PPP1R7: variants seen among roughly 807,000 people sequenced by gnomAD.
PPP1R7 encodes the protein protein phosphatase 1 regulatory subunit 7.
PPP1R7 carries 18 observed loss-of-function variants against 45.2 expected under a neutral mutation model. The ratio of observed to expected loss-of-function variants is 0.40; its 90% CI spans 0.28 to 0.59. The LOEUF (loss-of-function observed/expected upper bound fraction) is 0.59, where lower values mean the gene tolerates loss of function less well. PPP1R7 is among the 20% of genes least tolerant of loss of function. The probability of loss-of-function intolerance (pLI) is 0.46; values close to 1 mark genes in which losing one functional copy is unlikely to be tolerated. For synonymous variants in PPP1R7, 181 were observed against 183.4 expected (o/e 0.99, Z 0.11); for missense variants, 314 against 455.8 (o/e 0.69, Z 2.83).
chr2:241,151,395 A>C (rs34250086), intron 1 of PPP1R7: 2 of 467,620 alleles, frequency 4.3e-6, no homozygotes, highest in Non-Finnish European at 8.9e-6. Flanking sequence ...GGGCGGGTGC[A>C]GCAGGAAGGC....
At chr2:241,157,494 C>T (rs1241816214) in intron 2 of PPP1R7, among the ~76,000 whole-genome samples, 1 of 152,228 alleles carries the variant, frequency 6.6e-6, no homozygotes, top group Admixed American at 6.5e-5. Flanking sequence ...CTACTTCCTC[C>T]CCTCCTTCCC....
Position 241,153,580 on chromosome 2 carries a change from G to C in PPP1R7, c.157G>C (p.Glu53Gln), listed in dbSNP as rs369222535. The C allele has an allele frequency of 6.2e-7, 1 of 1,614,110 alleles. No homozygotes were observed. Among genetic ancestry groups the C allele is most frequent in the African/African-American group, 1.3e-5 (1 of 75,050 alleles). The change falls in exon 2 of 10, where the codon GAG (glutamate) becomes CAG (glutamine). Residue 53 changes from glutamate (E) to glutamine (Q), a missense_variant. Coordinates refer to ENST00000234038, the MANE Select transcript of PPP1R7 (RefSeq NM_002712.3). ...LSEQSLKDGEERGEEDPEEEH... is the reference protein window; with the variant it reads ...LSEQSLKDGEQRGEEDPEEEH... ...TGAACAGAGCCTGAAGGATGGGGAG[G>C]AGCGGGGGGAGGAGGACCCAGAAGG...
chr2:241,172,993 AAAAT>A (rs1250143468), intron 9 of PPP1R7, among the ~76,000 whole-genome samples: 2 of 151,644 alleles, frequency 1.3e-5, no homozygotes, highest in African/African-American at 2.4e-5. Context: ...ATATTTTTTA[AAAAT>A]AAATAGAGAT....
At position 241,173,960 on chromosome 2, in the gene PPP1R7, C is replaced by T. The variant is rs529931549; in HGVS notation, c.906+4093C>T. On this transcript the variant is annotated intron_variant, in intron 9 of 9. Transcript: ENST00000234038. ...ATTATTTTTCTCTCTTCATTAGATT[C>T]ATGTTTTCCTTTAAGTCCTTCCTTC... 3.6e-5 allele frequency among the ~76,000 whole-genome samples: 5 copies of T among 140,740 alleles called. No homozygotes were observed. In the East Asian group the frequency reaches 1.0e-3, roughly 29 times the overall value. The allele number at this position is 140,740 out of a possible 152,430, so 92.3% of individuals were successfully genotyped here.
chr2:241,153,434 C>T (rs754360277), intron 1 of PPP1R7, 42 bp from the exon 2 acceptor site: 4 of 1,611,962 alleles, frequency 2.5e-6, no homozygotes, highest in Non-Finnish European at 3.4e-6. Flanking sequence ...CTCAAAGTCC[C>T]ATAAAGTGGA....
At chr2:241,182,084 A>G (rs1195429867) in intron 9 of PPP1R7, among the ~76,000 whole-genome samples, 1 of 152,052 alleles carries the variant, frequency 6.6e-6, no homozygotes, top group Non-Finnish European at 1.5e-5. Context: ...AGATGGTAAA[A>G]TGTAGCCTGC....
At chr2:241,167,311 A>G (rs769182742) in intron 8 of PPP1R7, 1 of 408,870 alleles carries the variant, frequency 2.4e-6, no homozygotes, top group Non-Finnish European at 4.3e-6. Flanking sequence ...AATTTCACCA[A>G]CACCTGCATA....
At position 241,160,382 on chromosome 2, in the gene PPP1R7, A is replaced by C; in HGVS notation, c.485A>C (p.Lys162Thr). The change falls in exon 6 of 10, where the codon AAG becomes ACG. Residue 162 changes from lysine to threonine, a missense_variant. This residue lies in a region of PPP1R7 where 168 missense variants were observed against 285.3 expected (regional missense o/e 0.59). Transcript: ENST00000234038. Reference sequence around the variant, plus strand: ...CTGAGAAACATCGAAGGGGTTGACAAGTTGACACGACTGAAAAAACTCTTC... The same window carrying C: ...CTGAGAAACATCGAAGGGGTTGACACGTTGACACGACTGAAAAAACTCTTC... ...NLLRNIEGVD[K>T]LTRLKKLFLV... The C allele has an allele frequency of 6.2e-7, 1 of 1,612,866 alleles. No homozygotes were observed. The highest frequency in any genetic ancestry group is 1.1e-5 in the South Asian group (1 of 90,660).
At chr2:241,159,035 T>G (rs2067524230) in intron 4 of PPP1R7, 178 bp from the exon 5 acceptor site, 1 of 716,464 alleles carries the variant, frequency 1.4e-6, no homozygotes, top group East Asian at 3.0e-5. Context: ...TAAGGAATTA[T>G]AGCTTAGTGC....
upstream of PPP1R7, chr2:241,150,106 C>T (rs2067215441): frequency 7.9e-7 from 1 of 1,263,802 alleles, no homozygotes; most frequent in African/African-American, 1.6e-5. Flanking sequence ...TCCGCCTGGC[C>T]CGCGGCCCCT....
At chr2:241,178,345 T>C (rs1412525387) in intron 9 of PPP1R7, among the ~76,000 whole-genome samples, 1 of 152,232 alleles carries the variant, frequency 6.6e-6, no homozygotes, top group Non-Finnish European at 1.5e-5. Context: ...CTAGCTTTAG[T>C]CCAGTGCATT....
intron 9 of PPP1R7, among the ~76,000 whole-genome samples, chr2:241,181,561 AG>A (rs1559430669): frequency 6.6e-6 from 1 of 152,004 alleles, no homozygotes; most frequent in South Asian, 2.1e-4. Context: ...CCCAGAGAGA[AG>A]GGGAGCTGTG....
intron 1 of PPP1R7, among the ~76,000 whole-genome samples, chr2:241,151,188 A>G (rs1157862554): frequency 6.6e-6 from 1 of 152,242 alleles, no homozygotes; most frequent in Non-Finnish European, 1.5e-5. Flanking sequence ...ATCTGTAGGT[A>G]CAGTCATATA....
At chr2:241,175,430 AT>A (rs1485005854) in intron 9 of PPP1R7, among the ~76,000 whole-genome samples, 1 of 152,192 alleles carries the variant, frequency 6.6e-6, no homozygotes, top group Non-Finnish European at 1.5e-5. Context: ...ATCATGCAGT[AT>A]TTATTTTTGT....
intron 9 of PPP1R7, 105 bp downstream of exon 9, chr2:241,169,972 T>G: frequency 2.2e-6 from 2 of 925,684 alleles, no homozygotes; most frequent in Non-Finnish European, 3.4e-6. Context: ...GCCTTCATGC[T>G]GAGTGACTCC....
In PPP1R7 at chr2:241,182,900, C is replaced by T. The variant is rs914196688; in HGVS notation, c.*77C>T. ...ACGGGTTTTTAACCCACCTGTTGCT[C>T]CTGAGGTCGTCACTATATCAACAGT... is the stretch of plus-strand genomic sequence containing the variant. On this transcript the variant is annotated 3_prime_UTR_variant, in exon 10 of 10. Coordinates refer to ENST00000234038, the MANE Select transcript of PPP1R7 (RefSeq NM_002712.3). 12 of 1,502,224 alleles carry T rather than the reference C, an allele frequency of 8.0e-6. No homozygotes were observed. The highest frequency in any genetic ancestry group is 1.1e-5 in the Non-Finnish European group (12 of 1,107,298). The allele number at this position is 1,502,224 out of a possible 1,614,324, so 93.1% of individuals were successfully genotyped here. A position where few individuals can be genotyped will look rare whatever the true frequency, so the allele number is the denominator to read the frequency against.
intron 9 of PPP1R7, among the ~76,000 whole-genome samples, chr2:241,178,458 CTTT>C (rs71049557): frequency 8.0e-6 from 1 of 124,590 alleles, no homozygotes; most frequent in Non-Finnish European, 1.7e-5. Flanking sequence ...TGGTCTTCAG[CTTT>C]TTTTTTTTTT....
chr2:241,167,687 T>C (rs561398799), intron 8 of PPP1R7, among the ~76,000 whole-genome samples: 11 of 152,216 alleles, frequency 7.2e-5, no homozygotes, highest in African/African-American at 2.6e-4. Context: ...ATTTTACCAG[T>C]AGAAGTGCTA....
intron 9 of PPP1R7, among the ~76,000 whole-genome samples, chr2:241,170,833 G>A (rs2067801797): frequency 6.6e-6 from 1 of 152,166 alleles, no homozygotes; most frequent in African/African-American, 2.4e-5. Flanking sequence ...AGCATGTCTG[G>A]GAAGATCAGA....
Sources: allele counts gnomAD v4.1 joint callset (sites outside exome capture counted in the v4.1 genomes callset), GRCh38; gene constraint gnomAD v4.1.1; regional missense constraint gnomAD v4.1.1; transcripts MANE v1.5; gene names NCBI Gene and HGNC (gene_info 2026-07-23, HGNC 2026-07-21).